MEPE: variants seen among roughly 807,000 people sequenced by gnomAD.
The protein encoded by MEPE is matrix, extracellular phosphoglycoprotein with ASARM motif (bone).
In MEPE, 7 loss-of-function variants were observed where a neutral mutation model predicts 7.3. That is an observed-to-expected ratio of 0.95 (90% CI 0.54 to 1.79). MEPE has a LOEUF of 1.79. Among genes scored for constraint, MEPE ranks in the 40% most tolerant of loss-of-function variants. The pLI is 0.00. For synonymous variants in MEPE, 214 were observed against 213.1 expected (o/e 1.00, Z -0.04); for missense variants, 623 against 628.2 (o/e 0.99, Z 0.09).
chr4:87,843,461 C>A (rs1257387051), intron 3 of MEPE, among the ~76,000 whole-genome samples: 1 of 152,134 alleles, frequency 6.6e-6, no homozygotes, highest in Non-Finnish European at 1.5e-5. Flanking sequence ...TTAGAACATG[C>A]AGCACCCACC....
At position 87,845,213 on chromosome 4, in the gene MEPE, A is replaced by T. The variant is rs1723169766; in HGVS notation, c.345A>T (p.Ser115=). 6.2e-7 allele frequency: 1 copy of T among 1,613,918 alleles called. No individual in the cohort carries two copies. Among genetic ancestry groups the T allele is most frequent in the African/African-American group, 1.3e-5 (1 of 74,904 alleles). ...ATACTCACAATGGCCTGAGGATGTCAATTTATCCTAAGTCAACTGGGAATA... is the reference window on the plus strand; with the variant it reads ...ATACTCACAATGGCCTGAGGATGTCTATTTATCCTAAGTCAACTGGGAATA... ...KENTHNGLRM[S]IYPKSTGNKG... The change falls in exon 4 of 4, where the codon TCA becomes TCT. Residue 115 remains serine (S), a synonymous_variant. Coordinates refer to ENST00000361056, the MANE Select transcript of MEPE (RefSeq NM_020203.6).
At chr4:87,833,409 G>A (rs7655525) in intron 1 of MEPE, among the ~76,000 whole-genome samples, 10,373 of 152,034 alleles carry the variant, frequency 0.068, 1,195 homozygotes, top group African/African-American at 0.24. Context: ...AGTTACTTAC[G>A]TTGTCCTGAT....
Position 87,824,566 on chromosome 4 carries a change from T to C in MEPE, c.-13+3095T>C, listed in dbSNP as rs73840127. Among the ~76,000 whole-genome samples the C allele has an allele frequency of 4.6e-3, 706 of 152,360 alleles. 2 individuals are homozygous for C. The highest frequency in any genetic ancestry group is 0.016 in the African/African-American group (685 of 41,590). On this transcript the variant is annotated intron_variant, in intron 1 of 3. Coordinates refer to the MEPE transcript ENST00000424957. ...GACTGTGTTCCAATAAAACTTTATC[T>C]GCCAAAACAGGTGATGAGTCAGATT...
In MEPE at chr4:87,845,904, A is replaced by C. The variant is rs768327031; in HGVS notation, c.1036A>C (p.Asn346His). 62 of 1,613,898 alleles carry C rather than the reference A, an allele frequency of 3.8e-5. No homozygotes were observed. The highest frequency in any genetic ancestry group is 5.3e-5 in the Non-Finnish European group (62 of 1,179,982). Residue 346 changes from asparagine to histidine, a missense_variant, in exon 4 of 4, where the codon AAT becomes CAT. Physicochemically the swap from Asn to His is moderately conservative, Grantham distance 68 (BLOSUM62 1). Transcript: ENST00000361056. Reference sequence around the variant, plus strand: ...CAGCAACGATATCATGGGTAGTACCAATTTTAAGGAGCTCCCTGGAAGAGA... The same window carrying C: ...CAGCAACGATATCATGGGTAGTACCCATTTTAAGGAGCTCCCTGGAAGAGA... ...EGSNDIMGST[N>H]FKELPGREGN...
At chr4:87,825,091 C>T (rs977280854) in intron 1 of MEPE, among the ~76,000 whole-genome samples, 3 of 152,222 alleles carry the variant, frequency 2.0e-5, no homozygotes, top group African/African-American at 7.2e-5. Context: ...GCAATCCACC[C>T]TCTGCAGCTA....
intron 2 of MEPE, among the ~76,000 whole-genome samples, chr4:87,835,549 AGTGAGTGG>A (rs1722755466): frequency 1.3e-5 from 2 of 152,190 alleles, no homozygotes; most frequent in Admixed American, 6.5e-5. Flanking sequence ...ATAGGTCCTG[AGTGAGTGG>A]GTGACTGCTA....
intron 3 of MEPE, among the ~76,000 whole-genome samples, chr4:87,842,895 G>T (rs1469761455): frequency 6.6e-6 from 1 of 152,114 alleles, no homozygotes; most frequent in Non-Finnish European, 1.5e-5. Context: ...AAACTGGGAA[G>T]GACTTGTACT....
chr4:87,834,636 T>C, intron 1 of MEPE, 67 bp from the exon 2 acceptor site: 1 of 1,244,054 alleles, frequency 8.0e-7, no homozygotes, highest in Non-Finnish European at 1.2e-6. Flanking sequence ...ATGTGTTTTA[T>C]CTCTTCTTAT....
upstream of MEPE, among the ~76,000 whole-genome samples, chr4:87,829,865 CT>C (rs3037623): frequency 8.2e-3 from 920 of 111,850 alleles, 1 homozygote; most frequent in Middle Eastern, 0.03. Context: ...CACCCAAATC[CT>C]TTTTTTTTTT....
Position 87,838,981 on chromosome 4 carries a change from G to T in MEPE, c.108+296G>T, listed in dbSNP as rs1722906360. On this transcript the variant is annotated intron_variant, in intron 3 of 3. Transcript: ENST00000361056. ...CATGGGGCTAAGTGAGTAAGAATTT[G>T]GGAACATTGCTACTAGCAAACAATA... 2.6e-5 allele frequency among the ~76,000 whole-genome samples: 4 copies of T among 152,168 alleles called. No homozygotes were observed. The South Asian group carries it at 8.3e-4, about 31-fold the overall frequency.
At chr4:87,841,884 G>A (rs914132392) in intron 3 of MEPE, among the ~76,000 whole-genome samples, 11 of 152,276 alleles carry the variant, frequency 7.2e-5, no homozygotes, top group Admixed American at 3.3e-4. Flanking sequence ...TGGGAAAACC[G>A]TTGTGTATCC....
intron 2 of MEPE, among the ~76,000 whole-genome samples, chr4:87,838,157 C>T (rs775346986): frequency 1.3e-5 from 2 of 152,186 alleles, no homozygotes; most frequent in African/African-American, 2.4e-5. Context: ...GGGCCATCAG[C>T]AGCATCATAT....
At position 87,845,183 on chromosome 4, in the gene MEPE, A is replaced by T. The variant is rs763268540; in HGVS notation, c.315A>T (p.Lys105Asn). The change falls in exon 4 of 4, where the codon AAA (lysine) becomes AAT (asparagine). Residue 105 changes from lysine to asparagine, a missense_variant. By Grantham distance (94) the Lys-to-Asn change is moderately conservative (BLOSUM62 0). Transcript: ENST00000361056. ...ATAAAGAATATAGTATCAGTAACAA[A>T]GAGAATACTCACAATGGCCTGAGGA... ...RLNKEYSISN[K>N]ENTHNGLRMS... 6.2e-6 allele frequency: 10 copies of T among 1,613,842 alleles called. No homozygotes were observed. In the South Asian group the frequency reaches 8.8e-5, roughly 14 times the overall value.
intron 3 of MEPE, among the ~76,000 whole-genome samples, chr4:87,839,390 T>C (rs990405256): frequency 1.3e-5 from 2 of 152,176 alleles, no homozygotes; most frequent in African/African-American, 4.8e-5. Flanking sequence ...TATTTCCACA[T>C]GCTCCATTTC....
Position 87,846,242 on chromosome 4 carries a change from T to C in MEPE, c.1374T>C (p.Ser458=). Residue 458 remains serine (S), a synonymous_variant, in exon 4 of 4, where the codon AGT becomes AGC. Transcript: ENST00000361056. ...AAATGGATTCCTTTAATGGCCCCAG[T>C]CATGAGAATATAATAACACATGGCA... ...KNEMDSFNGP[S]HENIITHGRK... 6.2e-7 allele frequency: 1 copy of C among 1,614,040 alleles called. No individual in the cohort carries two copies. The highest frequency in any genetic ancestry group is 8.5e-7 in the Non-Finnish European group (1 of 1,179,958).
In MEPE at chr4:87,845,548, CA is replaced by C; in HGVS notation, c.684del (p.Val229SerfsTer48). 2.5e-6 allele frequency: 4 copies of C among 1,611,212 alleles called. No homozygotes were observed. The highest frequency in any genetic ancestry group is 3.4e-6 in the Non-Finnish European group (4 of 1,179,318). On this transcript the variant is annotated frameshift_variant, in exon 4 of 4. Transcript: ENST00000361056. LOFTEE classifies it low-confidence loss of function (END_TRUNC). The stretch of plus-strand genomic sequence containing the variant: ...AACATTGACTACCTAAAACATCTCT[CA>C]AAAGTCAAAAAAATCCCCAGTGATT... ...QHNIDYLKHL[S>X]KVKKIPSDFE... is the part of the protein sequence containing the mutation.
At chr4:87,825,963 T>C (rs1024485602) in intron 1 of MEPE, among the ~76,000 whole-genome samples, 2 of 152,180 alleles carry the variant, frequency 1.3e-5, no homozygotes, top group East Asian at 3.8e-4. Context: ...CTGCATTGGT[T>C]TGCTGGGGAT....
At chr4:87,831,202 G>A (rs1221190327), upstream of MEPE, among the ~76,000 whole-genome samples, 3 of 152,116 alleles carry the variant, frequency 2.0e-5, no homozygotes, top group Non-Finnish European at 4.4e-5. Flanking sequence ...CAAAACAAGA[G>A]AGCAGGCAAT....
chr4:87,824,909 G>A (rs976680575), intron 1 of MEPE, among the ~76,000 whole-genome samples: 4 of 152,142 alleles, frequency 2.6e-5, no homozygotes, highest in African/African-American at 9.7e-5. Flanking sequence ...GTGCAGTGGT[G>A]CAATCACAGC....
Sources: gnomAD v4.1 joint callset for allele counts (sites outside exome capture counted in the v4.1 genomes callset) on GRCh38, gnomAD v4.1.1 for gene constraint, MANE v1.5 for transcripts, NCBI Gene and HGNC (gene_info 2026-07-23, HGNC 2026-07-21) for gene names.